INTS7: variants seen among roughly 807,000 people sequenced by gnomAD.
INTS7 encodes chromosome 1 open reading frame 73.
Under a neutral mutation model 109.2 loss-of-function variants are expected in INTS7, and 46 were observed. The observed-to-expected ratio is 0.42, with a 90% CI of 0.33 to 0.54. INTS7 has a LOEUF of 0.54. Among genes scored for constraint, INTS7 ranks in the 20% least tolerant of loss-of-function variants. INTS7 has a pLI of 0.07. For synonymous variants in INTS7, 412 were observed against 402.9 expected (o/e 1.02, Z -0.27); for missense variants, 929 against 1,132.4 (o/e 0.82, Z 2.58).
intron 12 of INTS7, among the ~76,000 whole-genome samples, chr1:211,976,090 C>T (rs901361946): frequency 2.6e-5 from 4 of 152,134 alleles, no homozygotes; most frequent in African/African-American, 9.7e-5. Context: ...GCGTGAGCCA[C>T]CCCACCCGGC....
intron 7 of INTS7, among the ~76,000 whole-genome samples, chr1:212,001,159 C>CG (rs1345817621): frequency 2.0e-5 from 3 of 151,264 alleles, no homozygotes; most frequent in Non-Finnish European, 2.9e-5. Flanking sequence ...CTCTGCTTCC[C>CG]GGATTCAAGC....
intron 7 of INTS7, among the ~76,000 whole-genome samples, chr1:211,999,492 G>C (rs1665566001): frequency 6.6e-6 from 1 of 152,052 alleles, no homozygotes; most frequent in Admixed American, 6.5e-5. Flanking sequence ...GAAACTTCTG[G>C]GGGTAATGAA....
intron 7 of INTS7, among the ~76,000 whole-genome samples, chr1:211,992,928 C>A (rs1665208172): frequency 6.6e-6 from 1 of 152,170 alleles, no homozygotes; most frequent in East Asian, 1.9e-4. Flanking sequence ...GCCTTCTTCA[C>A]TAACTATTTG....
chr1:211,973,822 T>C (rs1203114076), intron 13 of INTS7, among the ~76,000 whole-genome samples: 2 of 152,214 alleles, frequency 1.3e-5, no homozygotes, highest in Non-Finnish European at 2.9e-5. Flanking sequence ...ACATACCAAG[T>C]GTTTATGATC....
At chr1:211,987,104 T>G (rs1402908830) in intron 8 of INTS7, among the ~76,000 whole-genome samples, 1 of 152,014 alleles carries the variant, frequency 6.6e-6, no homozygotes, top group Non-Finnish European at 1.5e-5. Flanking sequence ...TCAGACCAGC[T>G]TGGGCTGAAT....
chr1:211,986,425 T>C (rs866611979), intron 8 of INTS7, among the ~76,000 whole-genome samples: 2 of 152,160 alleles, frequency 1.3e-5, no homozygotes, highest in South Asian at 2.1e-4. Flanking sequence ...AATAGATAAC[T>C]GATAATGTAC....
chr1:211,970,852 A>G (rs1664137721), intron 13 of INTS7, among the ~76,000 whole-genome samples: 1 of 152,226 alleles, frequency 6.6e-6, no homozygotes, highest in South Asian at 2.1e-4. Flanking sequence ...GGTATTAGCT[A>G]GTCAATTTAA....
intron 8 of INTS7, among the ~76,000 whole-genome samples, chr1:211,984,113 A>G (rs1425961870): frequency 6.6e-6 from 1 of 151,988 alleles, no homozygotes; most frequent in Non-Finnish European, 1.5e-5. Flanking sequence ...AGATCCTCCC[A>G]TCTTAGCCTC....
chr1:211,968,647 C>T lies in INTS7; in HGVS notation c.1876G>A (p.Asp626Asn). The change falls in exon 14 of 20, where the codon GAC (aspartate) becomes AAC (asparagine). Residue 626 changes from aspartate (D) to asparagine (N), a missense_variant. This residue lies in a region of INTS7 where 787 missense variants were observed against 901.1 expected (regional missense o/e 0.87). Coordinates refer to ENST00000366994, the MANE Select transcript of INTS7 (RefSeq NM_015434.4). ...FQCEFVKLRIDLLQAFSQLIC... is the reference protein window; with the variant it reads ...FQCEFVKLRINLLQAFSQLIC... ...AGTTGAGAGAAGGCTTGTAAAAGGT[C>T]AATCCTGAGTTTTACAAATTCACAC... The T allele has an allele frequency of 6.2e-7, 1 of 1,611,592 alleles. No individual in the cohort carries two copies. Among genetic ancestry groups the T allele is most frequent in the Non-Finnish European group, 8.5e-7 (1 of 1,179,452 alleles).
At chr1:212,029,946 A>G (rs1357915183) in intron 1 of INTS7, among the ~76,000 whole-genome samples, 3 of 152,264 alleles carry the variant, frequency 2.0e-5, no homozygotes, top group Non-Finnish European at 4.4e-5. Context: ...CTAATGATGC[A>G]TTAATAAGGC....
chr1:211,988,465 T>C (rs1664998367), intron 7 of INTS7, among the ~76,000 whole-genome samples: 1 of 150,722 alleles, frequency 6.6e-6, no homozygotes, highest in Admixed American at 6.6e-5. Flanking sequence ...ACTTCCAAAC[T>C]CTTTAGGGGA....
chr1:212,024,619 A>C (rs1666843378), intron 1 of INTS7, among the ~76,000 whole-genome samples: 1 of 152,228 alleles, frequency 6.6e-6, no homozygotes, highest in Non-Finnish European at 1.5e-5. Flanking sequence ...CACATATGTT[A>C]ATCAACTAGT....
chr1:212,010,252 G>A (rs1666110072), intron 5 of INTS7, among the ~76,000 whole-genome samples: 1 of 152,160 alleles, frequency 6.6e-6, no homozygotes, highest in South Asian at 2.1e-4. Flanking sequence ...AGGCAATGCT[G>A]TAGCCCAAGA....
At chr1:212,016,826 C>T in intron 4 of INTS7, 60 bp downstream of exon 4, 2 of 1,415,946 alleles carry the variant, frequency 1.4e-6, no homozygotes, top group Middle Eastern at 1.8e-4. Context: ...TCAGTTTTTC[C>T]TTCAAAAATT....
At chr1:212,012,370 A>G (rs1258830148) in intron 4 of INTS7, among the ~76,000 whole-genome samples, 2 of 152,212 alleles carry the variant, frequency 1.3e-5, no homozygotes, top group East Asian at 3.8e-4. Flanking sequence ...TACAGATACT[A>G]GAAAAAAAAT....
intron 7 of INTS7, among the ~76,000 whole-genome samples, chr1:211,996,959 G>C (rs959510762): frequency 2.6e-5 from 4 of 152,146 alleles, no homozygotes; most frequent in African/African-American, 9.7e-5. Flanking sequence ...GGGGGGTCAA[G>C]ACTGCAAAGA....
At chr1:211,945,215 C>CA (rs760515025) in intron 18 of INTS7, among the ~76,000 whole-genome samples, 10 of 152,116 alleles carry the variant, frequency 6.6e-5, no homozygotes, top group Non-Finnish European at 7.4e-5. Flanking sequence ...TAGAAAAAAG[C>CA]AAAGGCACTA....
chr1:211,990,407 A>G (rs1571881335), intron 7 of INTS7, among the ~76,000 whole-genome samples: 1 of 152,348 alleles, frequency 6.6e-6, no homozygotes, highest in East Asian at 1.9e-4. Context: ...AAGATGGGGC[A>G]TACACGTTTC....
chr1:212,000,473 T>C, intron 7 of INTS7, among the ~76,000 whole-genome samples: 1 of 152,210 alleles, frequency 6.6e-6, no homozygotes, highest in Admixed American at 6.5e-5. Flanking sequence ...CAGTTCATTT[T>C]AAGACAGCAC....
Sources: gnomAD v4.1 joint callset for allele counts (sites outside exome capture counted in the v4.1 genomes callset) on GRCh38, gnomAD v4.1.1 for gene constraint, gnomAD v4.1.1 regional missense constraint, MANE v1.5 for transcripts, NCBI Gene and HGNC (gene_info 2026-07-23, HGNC 2026-07-21) for gene names.